Variants in AFF1 observed in about 807,000 individuals in gnomAD.
The protein encoded by AFF1 is ALF transcription elongation factor 1.
In AFF1, 48 loss-of-function variants were observed where a neutral mutation model predicts 121.7. That is an observed-to-expected ratio of 0.39 (90% confidence interval 0.31 to 0.50). The LOEUF is 0.50. AFF1 is among the 20% of genes least tolerant of loss of function. AFF1 has a pLI of 0.76. For missense variants in AFF1, 1,523 were observed against 1,511.7 expected, an observed-to-expected ratio of 1.01 and a Z score of -0.12; for synonymous variants, 613 against 563.0, an observed-to-expected ratio of 1.09 and a Z score of -1.26.
At chr4:87,046,014 T>C in intron 2 of AFF1, 152 bp from the exon 3 acceptor site, 1 of 950,012 alleles carries the variant, frequency 1.1e-6, no homozygotes, top group Non-Finnish European at 1.5e-6. Flanking sequence ...TAAGGCTGGG[T>C]TAAGGAACTT....
chr4:86,991,254 GT>G (rs1724683862), intron 2 of AFF1, among the ~76,000 whole-genome samples: 1 of 151,950 alleles, frequency 6.6e-6, no homozygotes, highest in Admixed American at 6.6e-5. Flanking sequence ...ACCATCCTGG[GT>G]AACATGGTGA....
At chr4:87,110,326 C>G (rs1432575047) in intron 11 of AFF1, among the ~76,000 whole-genome samples, 1 of 151,998 alleles carries the variant, frequency 6.6e-6, no homozygotes, top group East Asian at 1.9e-4. Flanking sequence ...AGCATTTATT[C>G]TTTGTATTAC....
chr4:87,131,333 A>G, intron 17 of AFF1, 114 bp downstream of exon 17: 1 of 1,383,540 alleles, frequency 7.2e-7, no homozygotes, highest in Non-Finnish European at 9.9e-7. Flanking sequence ...GAGCCTTAAA[A>G]AAGTTATTGG....
intron 2 of AFF1, among the ~76,000 whole-genome samples, chr4:86,963,967 T>TTTTTTTTTG (rs1722341778): frequency 6.7e-6 from 1 of 148,908 alleles, no homozygotes; most frequent in Admixed American, 6.7e-5. Flanking sequence ...AGACTGGTTT[T>TTTTTTTTTG]TTTTTTTTTT....
In AFF1 at chr4:87,090,650, A is replaced by T. The variant is rs1724206838; in HGVS notation, c.1191+580A>T. 2.0e-5 allele frequency among the ~76,000 whole-genome samples: 3 copies of T among 152,186 alleles called. No homozygotes were observed. The South Asian group carries it at 6.2e-4, about 31-fold the overall frequency. ...TTTGTTCAATCTGATATGCATGTTC[A>T]TTGTTTTATATACATAATACATATA... is the stretch of plus-strand genomic sequence containing the variant. On this transcript the variant is annotated intron_variant, in intron 6 of 20. Transcript: ENST00000395146.
At chr4:87,013,074 G>A (rs578175693) in intron 2 of AFF1, among the ~76,000 whole-genome samples, 1 of 112,060 alleles carries the variant, frequency 8.9e-6, no homozygotes, top group Non-Finnish European at 1.7e-5. Context: ...ACGGAGTTTC[G>A]CTCTTGTTGC....
At chr4:87,015,647 GA>G (rs2149546514) in intron 2 of AFF1, among the ~76,000 whole-genome samples, 1 of 152,306 alleles carries the variant, frequency 6.6e-6, no homozygotes, top group African/African-American at 2.4e-5. Flanking sequence ...TTAGGGCAGG[GA>G]GGGGCCTCCT....
intron 4 of AFF1, among the ~76,000 whole-genome samples, chr4:87,071,201 T>C (rs1316905414): frequency 6.6e-6 from 1 of 151,086 alleles, no homozygotes; most frequent in Non-Finnish European, 1.5e-5. Context: ...AAATACAGGG[T>C]TCTAGGTTAG....
At chr4:86,952,001 A>C (rs1721383716) in intron 2 of AFF1, among the ~76,000 whole-genome samples, 1 of 151,342 alleles carries the variant, frequency 6.6e-6, no homozygotes, top group African/African-American at 2.4e-5. Flanking sequence ...TTCTCCACAG[A>C]TACAAATGCT....
At chr4:87,022,555 T>TACACAC (rs1728032257) in intron 2 of AFF1, among the ~76,000 whole-genome samples, 1 of 51,384 alleles carries the variant, frequency 1.9e-5, no homozygotes, top group Non-Finnish European at 3.8e-5. Context: ...TATATATATA[T>TACACAC]ATATATATAT....
chr4:87,068,257 G>GCCC (rs70957204), intron 4 of AFF1, among the ~76,000 whole-genome samples: 4,979 of 119,904 alleles, frequency 0.042, 236 homozygotes, highest in Non-Finnish European at 0.048. Flanking sequence ...CATGAAAATT[G>GCCC]CCCCCCCCCC....
chr4:87,089,429 C>T (rs932277115), intron 5 of AFF1, among the ~76,000 whole-genome samples: 1 of 152,176 alleles, frequency 6.6e-6, no homozygotes, highest in African/African-American at 2.4e-5. Flanking sequence ...TTAAGCTCCT[C>T]TCCTTCAAAA....
chr4:87,129,439 G>C (rs183297227), intron 16 of AFF1, among the ~76,000 whole-genome samples: 1 of 152,214 alleles, frequency 6.6e-6, no homozygotes, highest in African/African-American at 2.4e-5. Context: ...AAAGGAAATG[G>C]ATATTGACAA....
At position 86,959,976 on chromosome 4, in the gene AFF1, C is replaced by T. The variant is rs953551787; in HGVS notation, c.38+11405C>T. ...GCCTCGTTTGCAAATGAAAGGACTG[C>T]TGTTGGAGTAGTTGAAATCACAATG... On this transcript the variant is annotated intron_variant, in intron 2 of 20. Transcript: ENST00000395146. 4.6e-5 allele frequency among the ~76,000 whole-genome samples: 7 copies of T among 152,118 alleles called. 1 individual carries two copies. Among genetic ancestry groups the T allele is most frequent in the African/African-American group, 1.4e-4 (6 of 41,418 alleles).
chr4:86,950,036 G>A (rs950664388), intron 2 of AFF1: 10 of 1,614,122 alleles, frequency 6.2e-6, no homozygotes, highest in South Asian at 1.1e-5. Context: ...GTAGGTAGGG[G>A]GAGTGTAGAG....
In AFF1 at chr4:87,138,825, A is replaced by G. The variant is rs916669788; in HGVS notation, c.*3124A>G. ...GAAAAGTATCTAATATTTTGTAACA[A>G]AAAGACCTTCATATTATCTGTTTTG... On this transcript the variant is annotated 3_prime_UTR_variant, in exon 21 of 21. Coordinates refer to ENST00000395146, the MANE Select transcript of AFF1 (RefSeq NM_001166693.3). The G allele has an allele frequency of 8.7e-6, 2 of 228,956 alleles. No homozygotes were observed. The highest frequency in any genetic ancestry group is 1.7e-5 in the Non-Finnish European group (2 of 115,534). 14.2% of individuals were successfully genotyped at this position (228,956 alleles called of 1,614,324 possible). A position where few individuals can be genotyped will look rare whatever the true frequency, so the allele number is the denominator to read the frequency against.
At chr4:87,085,428 AC>A (rs1266497942) in intron 5 of AFF1, among the ~76,000 whole-genome samples, 2 of 146,468 alleles carry the variant, frequency 1.4e-5, no homozygotes, top group Non-Finnish European at 3.0e-5. Flanking sequence ...AGGGTTTCTG[AC>A]TTTTTTCTTC....
rs201212946 is a variant in AFF1, at chr4:87,046,171, A to G, written c.44A>G (p.Tyr15Cys). ...ERVNSSGNSL[Y>C]NDDRNLLRIR... ...TTTTGTGGCATCTGAAACAGTTTGT[A>G]CAATGACGACAGAAACCTGCTTCGA... is the stretch of plus-strand genomic sequence containing the variant. The change falls in exon 3 of 21, where the codon TAC becomes TGC. Residue 15 changes from tyrosine (Y) to cysteine (C), a missense_variant. Tyr to Cys is a radical substitution (Grantham distance 194). Around this residue, in one of 5 missense-constraint regions of AFF1, gnomAD observed 369 missense variants for 367.2 expected, o/e 1.00. Coordinates refer to ENST00000395146, the MANE Select transcript of AFF1 (RefSeq NM_001166693.3). 9.3e-6 allele frequency: 15 copies of G among 1,612,846 alleles called. No individual in the cohort carries two copies. The Admixed American group carries it at 2.4e-4, about 25-fold the overall frequency.
In AFF1 at chr4:87,114,884, C is replaced by T. The variant is rs993748053; in HGVS notation, c.2051C>T (p.Pro684Leu). 1 of 1,613,260 alleles carries T rather than the reference C, an allele frequency of 6.2e-7. No homozygotes were observed. The highest frequency in any genetic ancestry group is 8.5e-7 in the Non-Finnish European group (1 of 1,179,738). ...AAGAAGAAGCACAAGAGCTCCCTCCCTGCCCCCTCTAAGGCTCTCTCAGGC... is the reference window on the plus strand; with the variant it reads ...AAGAAGAAGCACAAGAGCTCCCTCCTTGCCCCCTCTAAGGCTCTCTCAGGC... ...SEKKKHKSSL[P>L]APSKALSGPE... The change falls in exon 12 of 21, where the codon CCT becomes CTT. Residue 684 changes from proline to leucine, a missense_variant. Physicochemically the swap from Pro to Leu is moderately conservative, Grantham distance 98. Transcript: ENST00000395146.
Sources: allele counts gnomAD v4.1 joint callset (sites outside exome capture counted in the v4.1 genomes callset), GRCh38; gene constraint gnomAD v4.1.1; regional missense constraint gnomAD v4.1.1; transcripts MANE v1.5; gene names NCBI Gene and HGNC (gene_info 2026-07-23, HGNC 2026-07-21).